TENT4B: variants seen among roughly 807,000 people sequenced by gnomAD.
TENT4B encodes the protein PAP associated domain containing 5.
In TENT4B, 10 loss-of-function variants were observed where a neutral mutation model predicts 75.0. The ratio of observed to expected loss-of-function variants is 0.13; its 90% confidence interval spans 0.08 to 0.23. The LOEUF (loss-of-function observed/expected upper bound fraction) is 0.23, where lower values mean the gene tolerates loss of function less well. Ranked by LOEUF, TENT4B falls within the 10% of genes least tolerant of loss-of-function variation. TENT4B has a pLI of 1.00. For synonymous variants in TENT4B, 350 were observed against 357.7 expected (o/e 0.98, Z 0.24); for missense variants, 579 against 893.8 (o/e 0.65, Z 4.49).
Position 50,230,317 on chromosome 16 carries a change from A to AAG in TENT4B, c.*989_*990insAG. The AAG allele has an allele frequency of 1.0e-6, 1 of 981,078 alleles. No homozygotes were observed. Among genetic ancestry groups the AAG allele is most frequent in the Non-Finnish European group, 1.2e-6 (1 of 828,022 alleles). 60.8% of individuals were successfully genotyped at this position (981,078 alleles called of 1,614,324 possible). On this transcript the variant is annotated 3_prime_UTR_variant, in exon 12 of 12. Coordinates refer to ENST00000561678, the MANE Select transcript of TENT4B (RefSeq NM_001365324.3). ...CCTAATAGGAAAAAAAAAAAAAAAA[A>AAG]GGTCACCCATGTCTGGTCTCATTCC...
At chr16:50,153,123 G>A, upstream of TENT4B, 7 of 1,018,512 alleles carry the variant, frequency 6.9e-6, no homozygotes, top group Non-Finnish European at 7.5e-6. Flanking sequence ...CGCACGGCGA[G>A]GCCTCCCGGG....
intron 2 of TENT4B, among the ~76,000 whole-genome samples, chr16:50,213,400 C>T (rs1044444569): frequency 4.6e-5 from 7 of 152,178 alleles, no homozygotes; most frequent in African/African-American, 1.7e-4. Flanking sequence ...ATATTTCTGC[C>T]TGAGTTCCAC....
chr16:50,213,371 A>G (rs2031388747), intron 2 of TENT4B, among the ~76,000 whole-genome samples: 1 of 152,004 alleles, frequency 6.6e-6, no homozygotes, highest in Admixed American at 6.6e-5. Flanking sequence ...TCCTTTTTTT[A>G]TTACAATTAC....
At chr16:50,224,154 A>G (rs375975200) in intron 7 of TENT4B, among the ~76,000 whole-genome samples, 25 of 152,320 alleles carry the variant, frequency 1.6e-4, no homozygotes, top group Admixed American at 1.1e-3. Flanking sequence ...ATAAACATTA[A>G]TAGTTCTATG....
intron 1 of TENT4B, among the ~76,000 whole-genome samples, chr16:50,210,639 C>T (rs938142525): frequency 6.6e-6 from 1 of 152,218 alleles, no homozygotes; most frequent in Non-Finnish European, 1.5e-5. Flanking sequence ...TTTGGTCCCT[C>T]TCAGAAACAT....
At chr16:50,166,696 C>T (rs967748512) in intron 1 of TENT4B, among the ~76,000 whole-genome samples, 1 of 151,984 alleles carries the variant, frequency 6.6e-6, no homozygotes, top group African/African-American at 2.4e-5. Context: ...CAACCTCTGC[C>T]CCCACCCCAG....
rs772296289 is a variant in TENT4B, at chr16:50,229,659, A to G, written c.*331A>G. 3.9e-6 allele frequency: 4 copies of G among 1,023,770 alleles called. No individual in the cohort carries two copies. Among genetic ancestry groups the G allele is most frequent in the Non-Finnish European group, 4.7e-6 (4 of 855,524 alleles). 63.4% of individuals were successfully genotyped at this position (1,023,770 alleles called of 1,614,324 possible). ...TTGGCTTTATGCAGAGTTATAGGGA[A>G]TAGTATTCAGTGTTGGTAGGGTGAT... On this transcript the variant is annotated 3_prime_UTR_variant, in exon 12 of 12. Transcript: ENST00000561678.
chr16:50,233,329 G>A lies in TENT4B; in HGVS notation c.*4001G>A. 2 of 985,370 alleles carry A rather than the reference G, an allele frequency of 2.0e-6. No homozygotes were observed. Among genetic ancestry groups the A allele is most frequent in the South Asian group, 4.7e-5 (1 of 21,288 alleles). 61.0% of individuals were successfully genotyped at this position (985,370 alleles called of 1,614,324 possible). On this transcript the variant is annotated 3_prime_UTR_variant, in exon 12 of 12. Transcript: ENST00000561678. ...CATCTTGTCAAAACATTTGTGGGTA[G>A]AATAAGTGTTAAAGATCAAATTTTA... is the stretch of plus-strand genomic sequence containing the variant.
At chr16:50,167,864 T>C (rs1468430210) in intron 1 of TENT4B, among the ~76,000 whole-genome samples, 1 of 152,132 alleles carries the variant, frequency 6.6e-6, no homozygotes, top group Non-Finnish European at 1.5e-5. Flanking sequence ...ACCATGTTTG[T>C]CAGGTTGGTC....
At position 50,232,815 on chromosome 16, in the gene TENT4B, G is replaced by C; in HGVS notation, c.*3487G>C. The stretch of plus-strand genomic sequence containing the variant: ...AGTTTTACTTTAATATTGATCTATA[G>C]TTTGATCAGTTCCTTGAATTCTAAT... On this transcript the variant is annotated 3_prime_UTR_variant, in exon 12 of 12. Coordinates refer to ENST00000561678, the MANE Select transcript of TENT4B (RefSeq NM_001365324.3). 1 of 985,248 alleles carries C rather than the reference G, an allele frequency of 1.0e-6. No individual in the cohort carries two copies. The highest frequency in any genetic ancestry group is 1.2e-6 in the Non-Finnish European group (1 of 829,766). 61.0% of individuals were successfully genotyped at this position (985,248 alleles called of 1,614,324 possible).
At chr16:50,196,146 T>C (rs2150715706) in intron 1 of TENT4B, among the ~76,000 whole-genome samples, 1 of 152,316 alleles carries the variant, frequency 6.6e-6, no homozygotes, top group South Asian at 2.1e-4. Flanking sequence ...AGGGATTTGA[T>C]AAGATGAAAC....
chr16:50,218,620 C>T (rs1403486027), intron 5 of TENT4B, among the ~76,000 whole-genome samples: 3 of 151,868 alleles, frequency 2.0e-5, no homozygotes, highest in Non-Finnish European at 4.4e-5. Context: ...CCAAAGTGCC[C>T]GGATTACAGG....
Position 50,193,630 on chromosome 16 carries a change from G to T in TENT4B, c.639-17693G>T, listed in dbSNP as rs902198901. Reference sequence around the variant, plus strand: ...TGGGATTACAGGTGTGAGTCACCGCGCCTGGCCAGGTCCTGGAGTCTTTAA... The same window carrying T: ...TGGGATTACAGGTGTGAGTCACCGCTCCTGGCCAGGTCCTGGAGTCTTTAA... On this transcript the variant is annotated intron_variant, in intron 1 of 11. Coordinates refer to ENST00000561678, the MANE Select transcript of TENT4B (RefSeq NM_001365324.3). Among the ~76,000 whole-genome samples the T allele has an allele frequency of 2.0e-5, 3 of 152,048 alleles. No homozygotes were observed. In the South Asian group the frequency reaches 6.2e-4, roughly 31 times the overall value.
chr16:50,183,442 G>A (rs2038462843), intron 1 of TENT4B, among the ~76,000 whole-genome samples: 1 of 151,308 alleles, frequency 6.6e-6, no homozygotes, highest in South Asian at 2.1e-4. Context: ...GACTGTGTTG[G>A]TTGTGTTGTC....
At chr16:50,192,228 G>T (rs2038654077) in intron 1 of TENT4B, among the ~76,000 whole-genome samples, 1 of 71,364 alleles carries the variant, frequency 1.4e-5, no homozygotes, top group African/African-American at 4.4e-5. Context: ...GCAAGACTCT[G>T]TCTCAAAAAA....
In TENT4B at chr16:50,211,306, T is replaced by A; in HGVS notation, c.639-17T>A. On this transcript the variant is annotated splice_polypyrimidine_tract_variant and intron_variant, in intron 1 of 11. Coordinates refer to ENST00000561678, the MANE Select transcript of TENT4B (RefSeq NM_001365324.3). ...GATTGGCCCTGTTCATATTAACTTT[T>A]CTGTTTTTTTCTTCAGTCTGCATGA... 6.2e-7 allele frequency: 1 copy of A among 1,601,714 alleles called. No individual in the cohort carries two copies. Among genetic ancestry groups the A allele is most frequent in the Non-Finnish European group, 8.5e-7 (1 of 1,175,926 alleles).
At chr16:50,161,358 T>C (rs1207696980) in intron 1 of TENT4B, among the ~76,000 whole-genome samples, 1 of 152,200 alleles carries the variant, frequency 6.6e-6, no homozygotes, top group Non-Finnish European at 1.5e-5. Flanking sequence ...TTATGTTGTG[T>C]ACTGGTTCCC....
intron 7 of TENT4B, among the ~76,000 whole-genome samples, chr16:50,223,624 G>A (rs1434600051): frequency 1.3e-5 from 2 of 152,164 alleles, no homozygotes; most frequent in Non-Finnish European, 2.9e-5. Flanking sequence ...TAAAAGCATA[G>A]TAGAAAAGGC....
intron 4 of TENT4B, among the ~76,000 whole-genome samples, chr16:50,216,672 G>T (rs2031570917): frequency 1.3e-5 from 1 of 79,644 alleles, no homozygotes; most frequent in Admixed American, 1.3e-4. Context: ...TCACTGTAGA[G>T]ATTTTTGTTT....
Sources: allele counts gnomAD v4.1 joint callset (sites outside exome capture counted in the v4.1 genomes callset), GRCh38; gene constraint gnomAD v4.1.1; transcripts MANE v1.5; gene names NCBI Gene and HGNC (gene_info 2026-07-23, HGNC 2026-07-21).